Variants in GABRG3 observed in about 807,000 individuals in gnomAD.
The protein encoded by GABRG3 is gamma-aminobutyric acid type A receptor subunit gamma3, also known as gamma-aminobutyric acid receptor subunit gamma-3.
Under a neutral mutation model 48.8 loss-of-function variants are expected in GABRG3, and 25 were observed. The ratio of observed to expected loss-of-function variants is 0.51; its 90% confidence interval spans 0.37 to 0.72. GABRG3 has a LOEUF of 0.72. Ranked by LOEUF, GABRG3 falls within the 30% of genes least tolerant of loss-of-function variation. GABRG3 has a pLI of 0.00. For synonymous variants in GABRG3, 227 were observed against 217.6 expected (o/e 1.04, Z -0.38); for missense variants, 394 against 577.9 (o/e 0.68, Z 3.26).
intron 3 of GABRG3, among the ~76,000 whole-genome samples, chr15:27,052,269 C>T (rs1896468545): frequency 6.6e-6 from 1 of 152,206 alleles, no homozygotes; most frequent in South Asian, 2.1e-4. Flanking sequence ...TTACGTTGAT[C>T]ACAACACCTC....
At chr15:27,450,387 A>G (rs1467145532) in intron 5 of GABRG3, among the ~76,000 whole-genome samples, 1 of 152,204 alleles carries the variant, frequency 6.6e-6, no homozygotes, top group Non-Finnish European at 1.5e-5. Flanking sequence ...GACTTATCCC[A>G]GGGCTCCAAG....
chr15:27,190,940 G>C (rs1218030419), intron 3 of GABRG3, among the ~76,000 whole-genome samples: 1 of 152,132 alleles, frequency 6.6e-6, no homozygotes, highest in East Asian at 1.9e-4. Context: ...GTTCTCGTTG[G>C]TTTCAAAGAA....
chr15:26,991,735 T>G (rs906483025), intron 2 of GABRG3, among the ~76,000 whole-genome samples: 2 of 152,184 alleles, frequency 1.3e-5, no homozygotes, highest in African/African-American at 4.8e-5. Flanking sequence ...TTCTTTTTTT[T>G]TCTGAGACGG....
At chr15:27,370,092 A>G (rs1895356676) in intron 5 of GABRG3, among the ~76,000 whole-genome samples, 1 of 152,218 alleles carries the variant, frequency 6.6e-6, no homozygotes, top group Admixed American at 6.5e-5. Flanking sequence ...TATGCCTTTA[A>G]TGGAATTCAG....
chr15:26,971,643 CG>C, intron 1 of GABRG3, 55 bp downstream of exon 1: 7 of 1,503,250 alleles, frequency 4.7e-6, no homozygotes, highest in South Asian at 1.3e-5. Context: ...GACAGGGCGG[CG>C]GGGGGCGCTG....
chr15:27,351,021 G>A (rs1197401373), intron 5 of GABRG3, among the ~76,000 whole-genome samples: 1 of 149,898 alleles, frequency 6.7e-6, no homozygotes, highest in African/African-American at 2.5e-5. Flanking sequence ...TGGTGTGTAT[G>A]ATGTGTTTGT....
At chr15:27,532,427 C>CAAAAAAAA (rs374534463) in intron 9 of GABRG3, among the ~76,000 whole-genome samples, 173 bp from the exon 10 acceptor site, 2 of 74,678 alleles carry the variant, frequency 2.7e-5, no homozygotes, top group African/African-American at 9.3e-5. Context: ...TCCTTAAAAC[C>CAAAAAAAA]AAAAAAAAAA....
chr15:27,360,300 A>G (rs1894978246), intron 5 of GABRG3, among the ~76,000 whole-genome samples: 1 of 152,036 alleles, frequency 6.6e-6, no homozygotes, highest in Non-Finnish European at 1.5e-5. Flanking sequence ...CCAAGCATGG[A>G]CAGAAGGGAG....
At position 27,539,557 on chromosome 15, in the gene GABRG3, G is replaced by A. The variant is rs1891620638; in HGVS notation, c.*6676G>A. The A allele has an allele frequency of 6.6e-6, 1 of 152,136 alleles. No individual in the cohort carries two copies. Among genetic ancestry groups the A allele is most frequent in the South Asian group, 2.1e-4 (1 of 4,824 alleles). The allele number at this position is 152,136 out of a possible 1,614,324, so 9.4% of individuals were successfully genotyped here. A position where few individuals can be genotyped will look rare whatever the true frequency, so the allele number is the denominator to read the frequency against. ...AGCAAATGATGACTGCTTTGATTTG[G>A]TTAGGCTTTCTTACAACAGGTTTTT... On this transcript the variant is annotated 3_prime_UTR_variant, in exon 10 of 10. Transcript: ENST00000615808.
intron 3 of GABRG3, among the ~76,000 whole-genome samples, chr15:27,055,452 G>A (rs926925828): frequency 5.9e-5 from 9 of 152,146 alleles, no homozygotes; most frequent in East Asian, 1.9e-4. Context: ...TCTGAAAATC[G>A]GAAATCCAGA....
At chr15:27,407,252 A>T (rs1887665156) in intron 5 of GABRG3, among the ~76,000 whole-genome samples, 1 of 152,088 alleles carries the variant, frequency 6.6e-6, no homozygotes, top group African/African-American at 2.4e-5. Context: ...TTAAAAAAAT[A>T]ATTGGCTGCC....
intron 5 of GABRG3, among the ~76,000 whole-genome samples, chr15:27,460,301 C>T (rs181755149): frequency 4.5e-4 from 69 of 152,310 alleles, no homozygotes; most frequent in Non-Finnish European, 8.5e-4. Flanking sequence ...CTTCATGCCA[C>T]CCGTGTCCCT....
intron 3 of GABRG3, among the ~76,000 whole-genome samples, chr15:27,245,829 G>T (rs1890253047): frequency 6.6e-6 from 1 of 152,148 alleles, no homozygotes; most frequent in Non-Finnish European, 1.5e-5. Context: ...ACTCCAGCCT[G>T]GGTGACAGTG....
rs185754864 is a variant in GABRG3, at chr15:27,465,108, G to A, written c.575-15542G>A. 7.9e-5 allele frequency among the ~76,000 whole-genome samples: 12 copies of A among 152,316 alleles called. No homozygotes were observed. In the East Asian group the frequency reaches 2.1e-3, roughly 27 times the overall value. ...CCGTGAATGTTTCCCCAGCCTGCAC[G>A]GATCAAGGGTGATGAAGCTGCTGCC... On this transcript the variant is annotated intron_variant, in intron 5 of 9. Coordinates refer to ENST00000615808, the MANE Select transcript of GABRG3 (RefSeq NM_033223.5).
At chr15:27,417,042 T>G (rs2140606032) in intron 5 of GABRG3, among the ~76,000 whole-genome samples, 1 of 152,300 alleles carries the variant, frequency 6.6e-6, no homozygotes, top group Non-Finnish European at 1.5e-5. Context: ...AGAGCAGTGG[T>G]TCTTAGCTGG....
intron 3 of GABRG3, among the ~76,000 whole-genome samples, chr15:27,212,201 T>G (rs2140435414): frequency 6.6e-6 from 1 of 152,292 alleles, no homozygotes; most frequent in Admixed American, 6.5e-5. Flanking sequence ...AGACAAGTGA[T>G]TACGGAAGCA....
intron 2 of GABRG3, among the ~76,000 whole-genome samples, chr15:27,009,897 A>C (rs1895653791): frequency 1.4e-5 from 2 of 147,408 alleles, no homozygotes; most frequent in Admixed American, 6.8e-5. Context: ...CTCCTCCACC[A>C]CCTCTTCCTC....
At chr15:27,392,593 C>T (rs1432347498) in intron 5 of GABRG3, among the ~76,000 whole-genome samples, 1 of 152,190 alleles carries the variant, frequency 6.6e-6, no homozygotes, top group East Asian at 1.9e-4. Context: ...TTCCCTTCAT[C>T]ATGCAGTACT....
intron 3 of GABRG3, among the ~76,000 whole-genome samples, chr15:27,244,598 A>C (rs987337430): frequency 6.6e-6 from 1 of 152,182 alleles, no homozygotes; most frequent in Admixed American, 6.5e-5. Flanking sequence ...TCATTTGAAT[A>C]AAAATCCCTT....
Sources: gnomAD v4.1 joint callset for allele counts (sites outside exome capture counted in the v4.1 genomes callset) on GRCh38, gnomAD v4.1.1 for gene constraint, MANE v1.5 for transcripts, NCBI Gene and HGNC (gene_info 2026-07-23, HGNC 2026-07-21) for gene names.